The following CORO1C variants were observed in gnomAD, a reference collection of about 807,000 sequenced individuals.
CORO1C encodes coronin-1C.
Under a neutral mutation model 51.2 loss-of-function variants are expected in CORO1C, and 14 were observed. That is an observed-to-expected ratio of 0.27 (90% CI 0.18 to 0.43). CORO1C has a LOEUF of 0.43. Among genes scored for constraint, CORO1C ranks in the 20% least tolerant of loss-of-function variants. The pLI is 1.00. For missense variants in CORO1C, 417 were observed against 607.8 expected (o/e 0.69, Z 3.30); for synonymous variants, 181 against 210.5 (o/e 0.86, Z 1.21).
At chr12:108,680,020 G>A (rs1379444840) in intron 2 of CORO1C, among the ~76,000 whole-genome samples, 1 of 152,210 alleles carries the variant, frequency 6.6e-6, no homozygotes, top group Non-Finnish European at 1.5e-5. Flanking sequence ...CACATTATTA[G>A]TTCTTCTAGT....
chr12:108,717,255 A>G (rs548518833), intron 1 of CORO1C, among the ~76,000 whole-genome samples: 7 of 152,362 alleles, frequency 4.6e-5, no homozygotes, highest in African/African-American at 1.7e-4. Flanking sequence ...AATCTGGACT[A>G]CTTAGCCCAC....
Position 108,708,174 on chromosome 12 carries a change from C to T in CORO1C, c.-5-6851G>A, listed in dbSNP as rs548504180. Among the ~76,000 whole-genome samples, 192 of 152,258 alleles carry T rather than the reference C, an allele frequency of 1.3e-3. 1 individual carries two copies. The highest frequency in any genetic ancestry group is 2.9e-3 in the Admixed American group (44 of 15,290). ...ACAGGTAGTCAAACAAATACTTGTA[C>T]ATGAGTCTTCATGGAAGCATTATTT... On this transcript the variant is annotated intron_variant, in intron 1 of 10. Transcript: ENST00000261401.
rs146451272 is a variant in CORO1C, at chr12:108,654,271, A to G, written c.855+35T>C. 595 of 1,290,620 alleles carry G rather than the reference A, an allele frequency of 4.6e-4. 2 individuals carry two copies. The African/African-American group carries it at 7.8e-3, about 17-fold the overall frequency. 79.9% of individuals were successfully genotyped at this position (1,290,620 alleles called of 1,614,324 possible). A position where few individuals can be genotyped will look rare whatever the true frequency, so the allele number is the denominator to read the frequency against. ...CTGAAGGATAAATGTTTCCACTTAC[A>G]GGATTTAACACCAAACATCAAAATT... On this transcript the variant is annotated intron_variant, in intron 7 of 10. Transcript: ENST00000261401.
intron 2 of CORO1C, among the ~76,000 whole-genome samples, chr12:108,696,701 T>C (rs980389472): frequency 1.3e-5 from 2 of 152,214 alleles, no homozygotes; most frequent in Admixed American, 1.3e-4. Context: ...CTATTATTCA[T>C]CCTCTGAAGG....
chr12:108,719,328 A>C (rs1017475525), intron 1 of CORO1C, among the ~76,000 whole-genome samples: 1 of 152,240 alleles, frequency 6.6e-6, no homozygotes, highest in African/African-American at 2.4e-5. Flanking sequence ...TACCAGAAAT[A>C]ACACACACAC....
At chr12:108,656,973 TG>T (rs2033051806) in intron 6 of CORO1C, among the ~76,000 whole-genome samples, 1 of 152,186 alleles carries the variant, frequency 6.6e-6, no homozygotes, top group Non-Finnish European at 1.5e-5. Context: ...GTTTAACTGC[TG>T]ACCTTCCCTC....
chr12:108,683,839 C>A (rs2034207926), intron 2 of CORO1C, among the ~76,000 whole-genome samples: 1 of 152,074 alleles, frequency 6.6e-6, no homozygotes, highest in South Asian at 2.1e-4. Context: ...AGGAAGAGAT[C>A]ATTTCAAACA....
chr12:108,655,037 TA>T (rs1222310264), intron 6 of CORO1C, among the ~76,000 whole-genome samples: 2 of 152,156 alleles, frequency 1.3e-5, no homozygotes, highest in African/African-American at 2.4e-5. Flanking sequence ...TCTTTAATTA[TA>T]AAATATGTGT....
At chr12:108,696,687 ACTG>A (rs1229189746) in intron 2 of CORO1C, among the ~76,000 whole-genome samples, 10 of 152,244 alleles carry the variant, frequency 6.6e-5, no homozygotes, top group African/African-American at 2.4e-4. Flanking sequence ...GTTCAGCAAG[ACTG>A]CTATTATTCA....
At chr12:108,701,930 CCTT>C (rs1760468135) in intron 1 of CORO1C, 1 of 159,066 alleles carries the variant, frequency 6.3e-6, no homozygotes, top group Non-Finnish European at 1.4e-5. Flanking sequence ...CTTCTAATCT[CCTT>C]CTAACACAGA....
At chr12:108,725,488 G>A (rs2136891029) in intron 1 of CORO1C, among the ~76,000 whole-genome samples, 1 of 152,336 alleles carries the variant, frequency 6.6e-6, no homozygotes, top group East Asian at 1.9e-4. Flanking sequence ...GGAGGAAAGT[G>A]AAGCTCAGGG....
At chr12:108,709,168 A>T (rs1255139826) in intron 1 of CORO1C, among the ~76,000 whole-genome samples, 2 of 152,138 alleles carry the variant, frequency 1.3e-5, no homozygotes, top group East Asian at 3.8e-4. Context: ...AAATGAGTGA[A>T]TTGTCTAGTA....
chr12:108,720,473 A>G (rs997448658), intron 1 of CORO1C, among the ~76,000 whole-genome samples: 2 of 152,140 alleles, frequency 1.3e-5, no homozygotes, highest in East Asian at 1.9e-4. Context: ...TCTTGCTAAC[A>G]TATTTATTTA....
chr12:108,648,509 G>C, intron 10 of CORO1C, 96 bp downstream of exon 10: 1 of 1,535,010 alleles, frequency 6.5e-7, no homozygotes, highest in Non-Finnish European at 8.9e-7. Flanking sequence ...TGAGCACCCA[G>C]CTGGGACAGT....
At chr12:108,672,390 A>G (rs537183306) in intron 3 of CORO1C, among the ~76,000 whole-genome samples, 234 of 152,334 alleles carry the variant, frequency 1.5e-3, no homozygotes, top group Admixed American at 2.8e-3. Context: ...TTTTCAACTA[A>G]AAGTCGTTTA....
At chr12:108,704,454 A>G (rs1354469234) in intron 1 of CORO1C, among the ~76,000 whole-genome samples, 1 of 151,478 alleles carries the variant, frequency 6.6e-6, no homozygotes, top group Non-Finnish European at 1.5e-5. Flanking sequence ...CCTGGGCGAC[A>G]TAGCAAGATT....
intron 7 of CORO1C, among the ~76,000 whole-genome samples, chr12:108,654,091 T>G (rs2032817319): frequency 6.6e-6 from 1 of 152,212 alleles, no homozygotes; most frequent in African/African-American, 2.4e-5. Context: ...GTCAAAAGTA[T>G]GCAACATGGC....
intron 1 of CORO1C, among the ~76,000 whole-genome samples, chr12:108,707,941 A>G (rs1268329443): frequency 6.6e-6 from 1 of 152,210 alleles, no homozygotes; most frequent in Admixed American, 6.5e-5. Flanking sequence ...ACTATTCCAT[A>G]CCCACTAGGA....
chr12:108,709,593 T>C (rs1198938102), intron 1 of CORO1C, among the ~76,000 whole-genome samples: 3 of 152,208 alleles, frequency 2.0e-5, no homozygotes, highest in Non-Finnish European at 4.4e-5. Flanking sequence ...TAAATTAAGA[T>C]GGCATATCAC....
Sources: allele counts gnomAD v4.1 joint callset (sites outside exome capture counted in the v4.1 genomes callset), GRCh38; gene constraint gnomAD v4.1.1; transcripts MANE v1.5; gene names NCBI Gene and HGNC (gene_info 2026-07-23, HGNC 2026-07-21).